Variants in GSDME observed in about 807,000 individuals in gnomAD.
GSDME encodes the protein gasdermin E.
In GSDME, 44 loss-of-function variants were observed where a neutral mutation model predicts 47.5. The observed-to-expected ratio is 0.93, with a 90% CI of 0.73 to 1.19. The LOEUF (loss-of-function observed/expected upper bound fraction) is 1.19. GSDME is among the 50% of genes most tolerant of loss of function. The pLI, the probability that GSDME is intolerant of heterozygous loss-of-function variation, is 0.00. For missense variants in GSDME, 663 were observed against 604.2 expected (o/e 1.10, Z -1.02); for synonymous variants, 258 against 252.8 (o/e 1.02, Z -0.20).
chr7:24,715,682 C>A, intron 5 of GSDME: 1 of 318,912 alleles, frequency 3.1e-6, no homozygotes, highest in Non-Finnish European at 6.5e-6. Flanking sequence ...GAAGACAAGT[C>A]TTTTCAAAGA....
At chr7:24,768,146 G>C in the GSDME span, among the ~76,000 whole-genome samples, 1 of 152,162 alleles carries the variant, frequency 6.6e-6, no homozygotes, top group African/African-American at 2.4e-5. The surrounding 1 kb of genome is among the most constrained non-coding windows in gnomAD (Gnocchi z 5.6). Flanking sequence ...GAAAATTAAA[G>C]GTTAAACTCG....
At chr7:24,777,600 CCCTCA>C in the GSDME span, among the ~76,000 whole-genome samples, 1 of 152,180 alleles carries the variant, frequency 6.6e-6, no homozygotes, top group African/African-American at 2.4e-5. Context: ...CAAGAAGCAC[CCCTCA>C]CCTAACCCCA....
intron 3 of GSDME, among the ~76,000 whole-genome samples, chr7:24,723,359 G>T (rs1481638665): frequency 2.6e-5 from 4 of 152,114 alleles, no homozygotes; most frequent in Non-Finnish European, 5.9e-5. Context: ...GTGTTCTCAG[G>T]TGCAGACCCA....
In GSDME at chr7:24,724,063, T is replaced by A. The variant is rs1789885318; in HGVS notation, c.405-4845A>T. On this transcript the variant is annotated intron_variant, in intron 3 of 9. Coordinates refer to ENST00000645220, the MANE Select transcript of GSDME (RefSeq NM_001127453.2). The surrounding 1 kb of genome is among the most constrained non-coding windows in gnomAD (Gnocchi z 4.8). ...GAATGGCTTTAGAGACACAGAAAAC[T>A]ATTAGTAGTGGTCGCCTCTTGGGTG... is the stretch of plus-strand genomic sequence containing the variant. Among the ~76,000 whole-genome samples the A allele has an allele frequency of 6.6e-6, 1 of 151,826 alleles. No individual in the cohort carries two copies. Among genetic ancestry groups the A allele is most frequent in the African/African-American group, 2.4e-5 (1 of 41,264 alleles).
chr7:24,704,376 A>C (rs1789008072), intron 8 of GSDME: 6 of 152,214 alleles, frequency 3.9e-5, no homozygotes. Flanking sequence ...TATTAGCCAG[A>C]AACTGGTGTG....
In GSDME at chr7:24,716,185, C is replaced by G. The variant is rs1454414711; in HGVS notation, c.697+1069G>C. Among the ~76,000 whole-genome samples the G allele has an allele frequency of 6.6e-6, 1 of 152,172 alleles. No individual in the cohort carries two copies. The highest frequency in any genetic ancestry group is 1.5e-5 in the Non-Finnish European group (1 of 68,026). On this transcript the variant is annotated intron_variant, in intron 5 of 9. Coordinates refer to ENST00000645220, the MANE Select transcript of GSDME (RefSeq NM_001127453.2). The surrounding 1 kb of genome is among the most constrained non-coding windows in gnomAD (Gnocchi z 4.5). ...ACGGCCCTTTTAAAAACTGCTGTTACAGAAAATGTCAAACTGCACAGGAAT... is the reference window on the plus strand; with the variant it reads ...ACGGCCCTTTTAAAAACTGCTGTTAGAGAAAATGTCAAACTGCACAGGAAT...
chr7:24,760,790 C>T (rs1791155018), upstream of GSDME, among the ~76,000 whole-genome samples: 1 of 152,102 alleles, frequency 6.6e-6, no homozygotes, highest in African/African-American at 2.4e-5. This position sits in a 1 kb window ranked among gnomAD's most constrained non-coding sequence, Gnocchi z 4.2. Flanking sequence ...GACTGTATTG[C>T]CAATGCATAT....
chr7:24,749,645 A>G lies in GSDME; in HGVS notation c.130T>C (p.Trp44Arg). Residue 44 changes from tryptophan to arginine, a missense_variant, in exon 2 of 10, where the codon TGG becomes CGG. Transcript: ENST00000645220. ...LSLVTKKKRF[W>R]CWQRPKYQFL... ...TGGTACTTGGGTCTCTGCCAGCACC[A>G]GAATCTCTTCTTTTTTGTCACCAGA... The G allele has an allele frequency of 6.2e-7, 1 of 1,614,194 alleles. No homozygotes were observed. Among genetic ancestry groups the G allele is most frequent in the South Asian group, 1.1e-5 (1 of 91,086 alleles).
the GSDME span, among the ~76,000 whole-genome samples, chr7:24,770,576 T>C: frequency 6.6e-6 from 1 of 152,082 alleles, no homozygotes; most frequent in Non-Finnish European, 1.5e-5. This position sits in a 1 kb window ranked among gnomAD's most constrained non-coding sequence, Gnocchi z 4.6. Flanking sequence ...TGGGAGTTGA[T>C]TTCAGAATGG....
the GSDME span, among the ~76,000 whole-genome samples, chr7:24,782,829 AT>A: frequency 6.6e-6 from 1 of 152,144 alleles, no homozygotes; most frequent in Non-Finnish European, 1.5e-5. Context: ...GATGATGAGT[AT>A]TTTTTCATGT....
intron 8 of GSDME, chr7:24,704,038 A>G (rs960236828): frequency 3.3e-5 from 5 of 152,186 alleles, no homozygotes; most frequent in Admixed American, 6.5e-5. Flanking sequence ...TTTAGCTGCT[A>G]TCTTGAGTGT....
At chr7:24,706,773 T>C (rs898920898) in intron 7 of GSDME, among the ~76,000 whole-genome samples, 4 of 152,238 alleles carry the variant, frequency 2.6e-5, no homozygotes. Flanking sequence ...CACCGGGCAC[T>C]GGGCAGCTGC....
chr7:24,794,891 A>G, the GSDME span, among the ~76,000 whole-genome samples: 1 of 152,226 alleles, frequency 6.6e-6, no homozygotes, highest in Non-Finnish European at 1.5e-5. Flanking sequence ...CTCATTCATC[A>G]AGCAATTTGA....
At chr7:24,702,931 C>G (rs761453980) in intron 8 of GSDME, 98 bp from the exon 9 acceptor site, 10 of 1,043,246 alleles carry the variant, frequency 9.6e-6, no homozygotes, top group Non-Finnish European at 1.4e-5. Context: ...TTAGTACTTT[C>G]CCGCCAGCCA....
intron 3 of GSDME, among the ~76,000 whole-genome samples, chr7:24,727,200 C>A (rs1789997465): frequency 6.6e-6 from 1 of 152,180 alleles, no homozygotes; most frequent in African/African-American, 2.4e-5. Flanking sequence ...GAAGAATGTG[C>A]CCCAGAGAGG....
intron 9 of GSDME, among the ~76,000 whole-genome samples, chr7:24,701,840 A>G (rs1788881275): frequency 6.6e-6 from 1 of 152,168 alleles, no homozygotes; most frequent in African/African-American, 2.4e-5. Context: ...CCTTGGAATG[A>G]TGCCATGCTG....
rs1426968032 is a variant in GSDME, at chr7:24,735,065, A to G, written c.404+9497T>C. The stretch of plus-strand genomic sequence containing the variant: ...CTAAAAGCAGCAAGAAACTAACTGC[A>G]TACAATGGAGCTCCAATATGTTTGG... On this transcript the variant is annotated intron_variant, in intron 3 of 9. Coordinates refer to ENST00000645220, the MANE Select transcript of GSDME (RefSeq NM_001127453.2). This position sits in a 1 kb window ranked among gnomAD's most constrained non-coding sequence, Gnocchi z 4.4. Among the ~76,000 whole-genome samples, 1 of 152,250 alleles carries G rather than the reference A, an allele frequency of 6.6e-6. No individual in the cohort carries two copies. The highest frequency in any genetic ancestry group is 1.5e-5 in the Non-Finnish European group (1 of 68,042).
At chr7:24,749,256 C>T (rs1025105164) in intron 2 of GSDME, among the ~76,000 whole-genome samples, 2 of 152,080 alleles carry the variant, frequency 1.3e-5, no homozygotes, top group Non-Finnish European at 2.9e-5. Context: ...AATCTCAGCA[C>T]TTTGGGAGAC....
At chr7:24,770,315 C>T in the GSDME span, among the ~76,000 whole-genome samples, 3 of 152,216 alleles carry the variant, frequency 2.0e-5, no homozygotes, top group Admixed American at 6.5e-5. This position sits in a 1 kb window ranked among gnomAD's most constrained non-coding sequence, Gnocchi z 4.6. Flanking sequence ...CCTCCCTCCA[C>T]CCATATCTTG....
Sources: gnomAD v4.1 joint callset for allele counts (sites outside exome capture counted in the v4.1 genomes callset) on GRCh38, gnomAD v4.1.1 for gene constraint, Gnocchi (gnomAD v3.1) non-coding constraint, MANE v1.5 for transcripts, NCBI Gene and HGNC (gene_info 2026-07-23, HGNC 2026-07-21) for gene names.